Variants in RABGAP1L observed in about 807,000 individuals in gnomAD.
RABGAP1L encodes rab GTPase-activating protein 1-like.
Under a neutral mutation model 137.7 loss-of-function variants are expected in RABGAP1L, and 63 were observed. The ratio of observed to expected loss-of-function variants is 0.46; its 90% confidence interval spans 0.37 to 0.56. The LOEUF (loss-of-function observed/expected upper bound fraction) is 0.56. Ranked by LOEUF, RABGAP1L falls within the 20% of genes least tolerant of loss-of-function variation. The probability of loss-of-function intolerance (pLI) is 0.00; values close to 1 mark genes in which losing one functional copy is unlikely to be tolerated. For synonymous variants in RABGAP1L, 431 were observed against 433.7 expected, an observed-to-expected ratio of 0.99 and a Z score of 0.08; for missense variants, 1,095 against 1,244.0, an observed-to-expected ratio of 0.88 and a Z score of 1.80.
intron 19 of RABGAP1L, among the ~76,000 whole-genome samples, chr1:174,819,259 G>GAGT (rs1553257400): frequency 6.8e-6 from 1 of 147,942 alleles, no homozygotes; most frequent in African/African-American, 2.5e-5. Flanking sequence ...AGAGAGAGAT[G>GAGT]AGTAAGTACA....
At chr1:174,785,949 A>G (rs1032036445) in intron 18 of RABGAP1L, among the ~76,000 whole-genome samples, 1 of 152,132 alleles carries the variant, frequency 6.6e-6, no homozygotes, top group Non-Finnish European at 1.5e-5. Context: ...AAGAAATAGT[A>G]AAAAAAAGTA....
chr1:174,526,395 G>A (rs1348357273), intron 13 of RABGAP1L, among the ~76,000 whole-genome samples: 1 of 152,064 alleles, frequency 6.6e-6, no homozygotes, highest in Non-Finnish European at 1.5e-5. Context: ...TCAATTTCTT[G>A]GAATAGTTTG....
At chr1:174,336,853 ATGTGTGTG>A (rs148867931) in intron 11 of RABGAP1L, among the ~76,000 whole-genome samples, 54 of 146,572 alleles carry the variant, frequency 3.7e-4, no homozygotes, top group African/African-American at 1.3e-3. Context: ...GTGTTTATAA[ATGTGTGTG>A]TGTGTGTGTG....
At chr1:174,273,001 A>C (rs888017346) in intron 8 of RABGAP1L, among the ~76,000 whole-genome samples, 1 of 152,084 alleles carries the variant, frequency 6.6e-6, no homozygotes, top group Non-Finnish European at 1.5e-5. Context: ...GTTGATATTT[A>C]GTGTAAAAGT....
In RABGAP1L at chr1:174,708,444, C is replaced by T. The variant is rs140330280; in HGVS notation, c.2169+6188C>T. Among the ~76,000 whole-genome samples, 264 of 152,216 alleles carry T rather than the reference C, an allele frequency of 1.7e-3. 4 individuals are homozygous for T. In the East Asian group the frequency reaches 0.046, roughly 27 times the overall value. ...TTTCTGCATTTTCAACTGAGGTACC[C>T]GGTTCATCTCACTGGGACTGGTTAG... is the stretch of plus-strand genomic sequence containing the variant. On this transcript the variant is annotated intron_variant, in intron 17 of 25. Transcript: ENST00000681986.
At chr1:174,831,889 C>G (rs1692149193) in intron 19 of RABGAP1L, among the ~76,000 whole-genome samples, 1 of 147,716 alleles carries the variant, frequency 6.8e-6, no homozygotes, top group African/African-American at 2.5e-5. Flanking sequence ...TGGGGGTAAG[C>G]AAAGGAGAGG....
chr1:174,805,611 C>G (rs1229449532), intron 18 of RABGAP1L, among the ~76,000 whole-genome samples: 1 of 152,182 alleles, frequency 6.6e-6, no homozygotes, highest in African/African-American at 2.4e-5. Context: ...TTGCAATTCT[C>G]CTGCCTCAGC....
intron 13 of RABGAP1L, among the ~76,000 whole-genome samples, chr1:174,565,951 C>A (rs540569005): frequency 3.7e-4 from 55 of 147,448 alleles, no homozygotes; most frequent in African/African-American, 1.4e-3. Flanking sequence ...AGTGGCAATA[C>A]CTTGCTCACT....
intron 17 of RABGAP1L, among the ~76,000 whole-genome samples, chr1:174,720,153 G>T (rs1330935620): frequency 6.6e-6 from 1 of 152,116 alleles, no homozygotes; most frequent in Non-Finnish European, 1.5e-5. Context: ...GTGGGCATTT[G>T]ATTTTCAACA....
chr1:174,990,095 G>T lies in RABGAP1L; in HGVS notation c.*94G>T. On this transcript the variant is annotated 3_prime_UTR_variant, in exon 26 of 26. Coordinates refer to ENST00000681986, the MANE Select transcript of RABGAP1L (RefSeq NM_001366446.1). ...TGTCCCTTTGAAGGAAAGTCAAGGA[G>T]GCCAGAAAACAAGCCAGAATTTTTC... The T allele has an allele frequency of 4.3e-6, 6 of 1,385,930 alleles. No individual in the cohort carries two copies. Among genetic ancestry groups the T allele is most frequent in the Non-Finnish European group, 4.8e-6 (5 of 1,032,230 alleles). The allele number at this position is 1,385,930 out of a possible 1,614,324, so 85.9% of individuals were successfully genotyped here.
chr1:174,204,936 C>T (rs925496952), intron 1 of RABGAP1L, among the ~76,000 whole-genome samples: 38 of 152,166 alleles, frequency 2.5e-4, no homozygotes, highest in Admixed American at 2.3e-3. Flanking sequence ...GCTTTCTGTA[C>T]AGCCTGTGGA....
Position 174,988,738 on chromosome 1 carries a change from C to G in RABGAP1L, c.2903C>G (p.Thr968Arg). The change falls in exon 25 of 26, where the codon ACA becomes AGA. Residue 968 changes from threonine to arginine, a missense_variant. Coordinates refer to ENST00000681986, the MANE Select transcript of RABGAP1L (RefSeq NM_001366446.1). ...GGCAGAGAGGACCAGGGAATTGAAA[C>G]AGATGATGAGAAGGACTCACTTAAG... is the stretch of plus-strand genomic sequence containing the variant. ...ATGREDQGIE[T>R]DDEKDSLKKQ... 3 of 1,549,420 alleles carry G rather than the reference C, an allele frequency of 1.9e-6. No homozygotes were observed. In the South Asian group the frequency reaches 3.6e-5, roughly 18 times the overall value.
At chr1:174,468,058 A>G (rs889884942) in intron 13 of RABGAP1L, among the ~76,000 whole-genome samples, 1 of 152,130 alleles carries the variant, frequency 6.6e-6, no homozygotes, top group Non-Finnish European at 1.5e-5. Flanking sequence ...GCAATTATAT[A>G]TGGGATTATA....
intron 23 of RABGAP1L, 67 bp from the exon 24 acceptor site, chr1:174,982,767 G>A: frequency 7.1e-7 from 1 of 1,411,596 alleles, no homozygotes; most frequent in African/African-American, 1.4e-5. Context: ...GAATTGATAA[G>A]TAGTTATGTG....
intron 14 of RABGAP1L, among the ~76,000 whole-genome samples, chr1:174,664,747 T>TTTTTTTTTTTTTTTTTTTTTTTTG: frequency 7.0e-6 from 1 of 142,456 alleles, no homozygotes; most frequent in African/African-American, 2.7e-5. Flanking sequence ...TTTTTTTTTT[T>TTTTTTTTTTTTTTTTTTTTTTTTG]TTTTTTTTGA....
intron 1 of RABGAP1L, among the ~76,000 whole-genome samples, chr1:174,198,269 T>C (rs1275883190): frequency 6.6e-6 from 1 of 152,222 alleles, no homozygotes; most frequent in East Asian, 1.9e-4. Flanking sequence ...ATAGTGTATA[T>C]GGTTTAGATC....
intron 13 of RABGAP1L, among the ~76,000 whole-genome samples, chr1:174,601,445 A>G (rs1670403428): frequency 6.6e-6 from 1 of 152,042 alleles, no homozygotes; most frequent in Admixed American, 6.6e-5. Context: ...GAATTGAACA[A>G]TGAAAACACT....
intron 11 of RABGAP1L, among the ~76,000 whole-genome samples, chr1:174,323,731 T>C (rs1680213293): frequency 1.3e-5 from 2 of 152,282 alleles, no homozygotes; most frequent in Middle Eastern, 3.4e-3. Flanking sequence ...TAGCCACATA[T>C]ACTTCTTTAA....
chr1:174,625,490 G>C (rs1672880959), intron 13 of RABGAP1L, among the ~76,000 whole-genome samples: 1 of 152,190 alleles, frequency 6.6e-6, no homozygotes, highest in South Asian at 2.1e-4. Flanking sequence ...CTGGAGTGCA[G>C]TGGCATGATC....
Sources: allele counts gnomAD v4.1 joint callset (sites outside exome capture counted in the v4.1 genomes callset), GRCh38; gene constraint gnomAD v4.1.1; transcripts MANE v1.5; gene names NCBI Gene and HGNC (gene_info 2026-07-23, HGNC 2026-07-21).